The following MALRD1 variants were observed in gnomAD, a reference collection of about 807,000 sequenced individuals.
MALRD1 encodes the protein MAM and LDL-receptor class A domain-containing protein 1.
MALRD1 carries 247 observed loss-of-function variants against 242.1 expected under a neutral mutation model. The observed-to-expected ratio is 1.02, with a 90% CI of 0.92 to 1.13. MALRD1 has a LOEUF of 1.13. Ranked by LOEUF, MALRD1 falls within the 50% of genes most tolerant of loss-of-function variation. The pLI is 0.00. For synonymous variants in MALRD1, 995 were observed against 866.6 expected, an observed-to-expected ratio of 1.15 and a Z score of -2.60; for missense variants, 2,989 against 2,533.1, an observed-to-expected ratio of 1.18 and a Z score of -3.86.
At chr10:19,698,017 A>G (rs547726229) in intron 38 of MALRD1, among the ~76,000 whole-genome samples, 1 of 152,272 alleles carries the variant, frequency 6.6e-6, no homozygotes, top group East Asian at 1.9e-4. Context: ...CTAGATGTAA[A>G]TGCCTTCAAG....
chr10:19,125,305 C>CTTT lies in MALRD1; in HGVS notation c.943+635_943+636insTTT, dbSNP rs1265608392. Among the ~76,000 whole-genome samples the CTTT allele has an allele frequency of 3.7e-3, 204 of 55,710 alleles. 6 individuals are homozygous for CTTT. Among genetic ancestry groups the CTTT allele is most frequent in the Middle Eastern group, 8.8e-3 (1 of 114 alleles). 36.5% of individuals were successfully genotyped at this position (55,710 alleles called of 152,430 possible). A position where few individuals can be genotyped will look rare whatever the true frequency, so the allele number is the denominator to read the frequency against. On this transcript the variant is annotated intron_variant, in intron 7 of 39. Transcript: ENST00000454679. ...TCTTTCTTTCTTTCCTTCCTTCCTT[C>CTTT]CTTCCTTCCTTCCTTCCTTCTTTCT...
chr10:19,400,584 A>C (rs1049136826), intron 28 of MALRD1, among the ~76,000 whole-genome samples: 1 of 152,238 alleles, frequency 6.6e-6, no homozygotes, highest in Non-Finnish European at 1.5e-5. Flanking sequence ...ATGTACAAGC[A>C]GTACATAAAT....
chr10:19,178,110 T>A (rs1027156378), intron 14 of MALRD1, among the ~76,000 whole-genome samples: 12 of 152,190 alleles, frequency 7.9e-5, no homozygotes, highest in Non-Finnish European at 5.9e-5. Flanking sequence ...GCAAAAGTTT[T>A]TGAGACACTT....
At chr10:19,675,261 TA>T in intron 36 of MALRD1, among the ~76,000 whole-genome samples, 1 of 152,170 alleles carries the variant, frequency 6.6e-6, no homozygotes, top group Non-Finnish European at 1.5e-5. Flanking sequence ...TTTGATAATA[TA>T]TAAACTGCCT....
At chr10:19,725,700 A>G (rs1296031647) in intron 38 of MALRD1, among the ~76,000 whole-genome samples, 1 of 152,216 alleles carries the variant, frequency 6.6e-6, no homozygotes, top group Non-Finnish European at 1.5e-5. Context: ...AAAGTACAGT[A>G]AACAAAACAG....
chr10:19,287,664 G>C (rs1351289571), intron 21 of MALRD1, among the ~76,000 whole-genome samples: 1 of 151,978 alleles, frequency 6.6e-6, no homozygotes, highest in Non-Finnish European at 1.5e-5. Context: ...TAATGGTGCT[G>C]GGATATTTGA....
intron 2 of MALRD1, among the ~76,000 whole-genome samples, chr10:19,082,807 A>T (rs1590403539): frequency 6.6e-6 from 1 of 152,078 alleles, no homozygotes; most frequent in Middle Eastern, 3.4e-3. Flanking sequence ...GACTTTACTG[A>T]GAGTCTCTTA....
rs796355568 is a variant in MALRD1, at chr10:19,238,476, A to T, written c.2992-19208A>T. Among the ~76,000 whole-genome samples, 92 of 22,516 alleles carry T rather than the reference A, an allele frequency of 4.1e-3. 4 individuals are homozygous for T. The highest frequency in any genetic ancestry group is 0.015 in the African/African-American group (56 of 3,676). The allele number at this position is 22,516 out of a possible 152,430, so 14.8% of individuals were successfully genotyped here. On this transcript the variant is annotated intron_variant, in intron 18 of 39. Coordinates refer to ENST00000454679, the MANE Select transcript of MALRD1 (RefSeq NM_001142308.3). Reference sequence around the variant, plus strand: ...TATATAATATATAATATAATATATAATATACATTATATATAATATATAATA... The same window carrying T: ...TATATAATATATAATATAATATATATTATACATTATATATAATATATAATA...
At chr10:19,488,945 A>G in intron 29 of MALRD1, 2 of 415,348 alleles carry the variant, frequency 4.8e-6, no homozygotes, top group Middle Eastern at 3.6e-4. Flanking sequence ...GATCCCGTGT[A>G]CTGAAAAAAT....
rs1169441129 is a variant in MALRD1, at chr10:19,283,159, A to T, written c.3397A>T (p.Arg1133Trp). 3.2e-6 allele frequency: 5 copies of T among 1,547,632 alleles called. No individual in the cohort carries two copies. The highest frequency in any genetic ancestry group is 4.4e-6 in the Non-Finnish European group (5 of 1,145,296). The change falls in exon 21 of 40, where the codon AGG (arginine) becomes TGG (tryptophan). Residue 1133 changes from arginine (R) to tryptophan (W), a missense_variant. Physicochemically the swap from Arg to Trp is moderately radical, Grantham distance 101. Coordinates refer to ENST00000454679, the MANE Select transcript of MALRD1 (RefSeq NM_001142308.3). ...CATTCATCATGGGGAAGAAAACCAC[A>T]GGCCATCAGTGGATCATACACAGTA... The part of the protein sequence containing the change: ...ISIHHGEENH[R>W]PSVDHTQNTT...
chr10:19,522,084 A>G (rs955368546), intron 31 of MALRD1, among the ~76,000 whole-genome samples: 1 of 151,760 alleles, frequency 6.6e-6, no homozygotes, highest in Non-Finnish European at 1.5e-5. Context: ...CACTGACGCA[A>G]GATTAATATT....
intron 28 of MALRD1, among the ~76,000 whole-genome samples, chr10:19,449,681 C>G (rs1274903330): frequency 6.6e-6 from 1 of 151,910 alleles, no homozygotes; most frequent in African/African-American, 2.4e-5. Context: ...ATCTGAAGAA[C>G]AAAGAGAAGA....
intron 36 of MALRD1, among the ~76,000 whole-genome samples, chr10:19,629,864 T>TC (rs1205958470): frequency 6.6e-6 from 1 of 152,200 alleles, no homozygotes; most frequent in East Asian, 1.9e-4. Flanking sequence ...TCAGCCAGCA[T>TC]GAGTTTAACT....
intron 29 of MALRD1, among the ~76,000 whole-genome samples, chr10:19,465,815 C>A (rs1329682261): frequency 6.6e-6 from 1 of 152,176 alleles, no homozygotes; most frequent in East Asian, 1.9e-4. Context: ...ATAACTGAGC[C>A]ACCATGCTTG....
chr10:19,252,814 A>T (rs1839354223), intron 18 of MALRD1, among the ~76,000 whole-genome samples: 1 of 152,034 alleles, frequency 6.6e-6, no homozygotes, highest in South Asian at 2.1e-4. Context: ...TCAGCCACAG[A>T]GTTAGAATCA....
intron 4 of MALRD1, among the ~76,000 whole-genome samples, chr10:19,088,581 A>ATT (rs1236815851): frequency 1.9e-5 from 1 of 52,170 alleles, no homozygotes; most frequent in South Asian, 6.8e-4. Context: ...TTATTTATTT[A>ATT]TTTATTTATT....
intron 29 of MALRD1, among the ~76,000 whole-genome samples, chr10:19,454,793 C>T (rs1204472009): frequency 2.0e-5 from 3 of 151,382 alleles, no homozygotes; most frequent in African/African-American, 4.9e-5. Flanking sequence ...TGGTAGTTAT[C>T]TACTTTAGCT....
At chr10:19,265,703 T>A (rs573350960) in intron 19 of MALRD1, among the ~76,000 whole-genome samples, 3 of 152,232 alleles carry the variant, frequency 2.0e-5, no homozygotes, top group South Asian at 2.1e-4. Flanking sequence ...TGCTGTTGAA[T>A]GAAATGTTTT....
Position 19,055,762 on chromosome 10 carries a change from C to T in MALRD1, c.199+6625C>T, listed in dbSNP as rs993942283. Among the ~76,000 whole-genome samples, 47 of 152,130 alleles carry T rather than the reference C, an allele frequency of 3.1e-4. 1 individual carries two copies. The highest frequency in any genetic ancestry group is 6.6e-4 in the Admixed American group (10 of 15,258). ...TAATACAGGAACAGAAAACCAAATG[C>T]TGCATGTTCTCACTTATAAGTGGGA... On this transcript the variant is annotated intron_variant, in intron 1 of 39. Coordinates refer to ENST00000454679, the MANE Select transcript of MALRD1 (RefSeq NM_001142308.3).
Sources: gnomAD v4.1 joint callset for allele counts (sites outside exome capture counted in the v4.1 genomes callset) on GRCh38, gnomAD v4.1.1 for gene constraint, MANE v1.5 for transcripts, NCBI Gene and HGNC (gene_info 2026-07-23, HGNC 2026-07-21) for gene names.